ZNF37A: variants seen among roughly 807,000 people sequenced by gnomAD.
ZNF37A encodes zinc finger protein 37A.
In ZNF37A, 10 loss-of-function variants were observed where a neutral mutation model predicts 12.3. The ratio of observed to expected loss-of-function variants is 0.82; its 90% CI spans 0.50 to 1.38. The LOEUF (loss-of-function observed/expected upper bound fraction) is 1.38. ZNF37A is among the 40% of genes most tolerant of loss of function. ZNF37A has a pLI of 0.00. For missense variants in ZNF37A, 580 were observed against 651.2 expected (o/e 0.89, Z 1.19); for synonymous variants, 207 against 223.0 (o/e 0.93, Z 0.64).
At chr10:38,096,510 G>A in intron 4 of ZNF37A, 64 bp from the exon 5 acceptor site, 1 of 1,108,432 alleles carries the variant, frequency 9.0e-7, no homozygotes, top group East Asian at 2.4e-5. Context: ...GAGATGTTTT[G>A]CCGGCTGCGA....
rs1310427048 is a variant in ZNF37A at position 38,121,541 on chromosome 10, CAG to C, written c.*2705_*2706del. On this transcript the variant is annotated 3_prime_UTR_variant, in exon 8 of 8. Coordinates refer to ENST00000685332, the MANE Select transcript of ZNF37A (RefSeq NM_001324250.3). ...GGCTGAGGGTGAGGTGTGGAAGGGA[CAG>C]GGGGAGGAGATGGGCAGCATTGTTG... is the stretch of plus-strand genomic sequence containing the variant. The C allele has an allele frequency of 2.6e-5, 4 of 152,194 alleles. No homozygotes were observed. Among genetic ancestry groups the C allele is most frequent in the African/African-American group, 9.7e-5 (4 of 41,312 alleles). 9.4% of individuals were successfully genotyped at this position (152,194 alleles called of 1,614,324 possible). A position where few individuals can be genotyped will look rare whatever the true frequency, so the allele number is the denominator to read the frequency against.
At chr10:38,135,380 G>A (rs2474592) in intron 7 of ZNF37A, among the ~76,000 whole-genome samples, 19,141 of 152,132 alleles carry the variant, frequency 0.13, 1,472 homozygotes, top group Admixed American at 0.2. Context: ...GTGAGACTCC[G>A]TCTCAAAAAA....
chr10:38,118,983 G>T lies in ZNF37A; in HGVS notation c.*146G>T. 1.5e-6 allele frequency: 2 copies of T among 1,333,962 alleles called. No homozygotes were observed. Among genetic ancestry groups the T allele is most frequent in the African/African-American group, 3.0e-5 (2 of 66,858 alleles). 82.6% of individuals were successfully genotyped at this position (1,333,962 alleles called of 1,614,324 possible). On this transcript the variant is annotated 3_prime_UTR_variant, in exon 8 of 8. Coordinates refer to ENST00000685332, the MANE Select transcript of ZNF37A (RefSeq NM_001324250.3). ...AAAAAACAATATGAAGATAGGGAATGCAGGAAAACATTATTCTGGAATTTG... is the reference window on the plus strand; with the variant it reads ...AAAAAACAATATGAAGATAGGGAATTCAGGAAAACATTATTCTGGAATTTG...
At chr10:38,098,993 A>G (rs926378263) in intron 5 of ZNF37A, among the ~76,000 whole-genome samples, 1 of 152,186 alleles carries the variant, frequency 6.6e-6, no homozygotes, top group Admixed American at 6.5e-5. Flanking sequence ...TGCATATAAG[A>G]TCATGTCATC....
At chr10:38,116,833 G>A (rs1308612056) in intron 7 of ZNF37A, among the ~76,000 whole-genome samples, 2 of 152,188 alleles carry the variant, frequency 1.3e-5, no homozygotes, top group African/African-American at 4.8e-5. Context: ...ATTGAGCCAG[G>A]TGCAGTGGCT....
At chr10:38,130,635 AT>A (rs35644583) in intron 7 of ZNF37A, among the ~76,000 whole-genome samples, 4,263 of 143,706 alleles carry the variant, frequency 0.03, 97 homozygotes, top group Middle Eastern at 0.067. Flanking sequence ...TAAGTTTTGC[AT>A]TTTTTTTTTT....
intron 5 of ZNF37A, among the ~76,000 whole-genome samples, chr10:38,109,371 C>A (rs1266583059): frequency 6.6e-6 from 1 of 152,088 alleles, no homozygotes; most frequent in Non-Finnish European, 1.5e-5. Flanking sequence ...ATGACAAACC[C>A]ACAGCCAATA....
intron 7 of ZNF37A, among the ~76,000 whole-genome samples, chr10:38,136,591 T>C (rs1258137005): frequency 6.6e-6 from 1 of 152,234 alleles, no homozygotes; most frequent in Non-Finnish European, 1.5e-5. Context: ...ATTCTCTGTC[T>C]TTTAATATTT....
Position 38,115,299 on chromosome 10 carries a change from G to C in ZNF37A, c.238+9G>C. On this transcript the variant is annotated intron_variant, in intron 7 of 7. Coordinates refer to ENST00000685332, the MANE Select transcript of ZNF37A (RefSeq NM_001324250.3). ...AAGCCAGAGTCATCTGGGTGAGTTA[G>C]TATGTGCCAGATGGAATTTAAAGGA... 6.2e-7 allele frequency: 1 copy of C among 1,612,288 alleles called. No homozygotes were observed. The highest frequency in any genetic ancestry group is 8.5e-7 in the Non-Finnish European group (1 of 1,179,134).
At chr10:38,138,465 T>G (rs905918272) in intron 7 of ZNF37A, 2 of 152,252 alleles carry the variant, frequency 1.3e-5, no homozygotes, top group African/African-American at 4.8e-5. Flanking sequence ...AGCTATGTAC[T>G]TCATGGAATA....
chr10:38,126,037 A>G (rs541416601), downstream of ZNF37A, among the ~76,000 whole-genome samples: 2 of 152,304 alleles, frequency 1.3e-5, no homozygotes, highest in South Asian at 2.1e-4. Context: ...TGAGGGTTCC[A>G]TCCCCATGAT....
intron 7 of ZNF37A, chr10:38,139,370 A>G (rs565437505): frequency 1.3e-5 from 2 of 151,846 alleles, no homozygotes; most frequent in East Asian, 3.9e-4. Context: ...ATGGTTTGAT[A>G]TATTTTTCCT....
rs2069672792 is a variant in ZNF37A, at chr10:38,121,207, A to G, written c.*2370A>G. The stretch of plus-strand genomic sequence containing the variant: ...AGTACAACCTTGATAACAAAACCTA[A>G]AAAAAAAACAACAAAAAAACCCATA... On this transcript the variant is annotated 3_prime_UTR_variant, in exon 8 of 8. Transcript: ENST00000685332. 3 of 151,222 alleles carry G rather than the reference A, an allele frequency of 2.0e-5. No individual in the cohort carries two copies. Among genetic ancestry groups the G allele is most frequent in the Admixed American group, 2.0e-4 (3 of 15,156 alleles). The allele number at this position is 151,222 out of a possible 1,614,324, so 9.4% of individuals were successfully genotyped here. A position where few individuals can be genotyped will look rare whatever the true frequency, so the allele number is the denominator to read the frequency against.
chr10:38,098,264 G>A (rs1486366134), intron 5 of ZNF37A, among the ~76,000 whole-genome samples: 1 of 152,178 alleles, frequency 6.6e-6, no homozygotes, highest in Non-Finnish European at 1.5e-5. Flanking sequence ...CGTGAATAGT[G>A]CTCCTATGAG....
Position 38,132,755 on chromosome 10 carries a change from T to C in ZNF37A, c.239-13977T>C, listed in dbSNP as rs183382745. 2.6e-5 allele frequency among the ~76,000 whole-genome samples: 4 copies of C among 152,246 alleles called. No individual in the cohort carries two copies. The East Asian group carries it at 7.7e-4, about 29-fold the overall frequency. On this transcript the variant is annotated intron_variant, in intron 7 of 7. Transcript: ENST00000638053. ...GTATTTTCAACTTTCTTTATGGAGA[T>C]GTAACCCCATGGTAACTCAATGTGC...
intron 5 of ZNF37A, among the ~76,000 whole-genome samples, chr10:38,112,783 T>G (rs201052477): frequency 0.09 from 5,153 of 57,172 alleles, 969 homozygotes; most frequent in East Asian, 0.13. Flanking sequence ...TTCTTTTCTT[T>G]TCTTTTCTTT....
intron 1 of ZNF37A, 101 bp downstream of exon 1, chr10:38,094,591 C>G (rs2066992645): frequency 6.6e-6 from 1 of 152,534 alleles, no homozygotes; most frequent in Admixed American, 6.5e-5. Flanking sequence ...GGTCCGAATC[C>G]TGCCTCGGTT....
In ZNF37A at chr10:38,123,389, A is replaced by G. The variant is rs1236132145; in HGVS notation, c.*4552A>G. 7 of 152,120 alleles carry G rather than the reference A, an allele frequency of 4.6e-5. No homozygotes were observed. The highest frequency in any genetic ancestry group is 1.5e-5 in the Non-Finnish European group (1 of 68,034). 9.4% of individuals were successfully genotyped at this position (152,120 alleles called of 1,614,324 possible). A position where few individuals can be genotyped will look rare whatever the true frequency, so the allele number is the denominator to read the frequency against. On this transcript the variant is annotated 3_prime_UTR_variant, in exon 8 of 8. Coordinates refer to ENST00000685332, the MANE Select transcript of ZNF37A (RefSeq NM_001324250.3). ...TCTATAAATTTAATATTTCAATAAA[A>G]CTCCCAGTATTTATTGTTAACACTG...
chr10:38,129,152 T>A (rs1357165128), downstream of ZNF37A, among the ~76,000 whole-genome samples: 1 of 151,890 alleles, frequency 6.6e-6, no homozygotes, highest in Non-Finnish European at 1.5e-5. Flanking sequence ...AGTGGATTTT[T>A]CCTTCCCTAC....
Sources: allele counts gnomAD v4.1 joint callset (sites outside exome capture counted in the v4.1 genomes callset), GRCh38; gene constraint gnomAD v4.1.1; transcripts MANE v1.5; gene names NCBI Gene and HGNC (gene_info 2026-07-23, HGNC 2026-07-21).